Variants in PHF21B observed in about 807,000 individuals in gnomAD.
The protein encoded by PHF21B is PHD finger protein 21B.
A neutral mutation model predicts 62.2 loss-of-function variants in PHF21B; 22 were observed. That is an observed-to-expected ratio of 0.35 (90% CI 0.25 to 0.51). The LOEUF (loss-of-function observed/expected upper bound fraction) is 0.51, where lower values mean the gene tolerates loss of function less well. Ranked by LOEUF, PHF21B falls within the 20% of genes least tolerant of loss-of-function variation. The pLI is 0.97. For synonymous variants in PHF21B, 341 were observed against 314.7 expected (o/e 1.08, Z -0.88); for missense variants, 701 against 707.9 (o/e 0.99, Z 0.11).
intron 2 of PHF21B, among the ~76,000 whole-genome samples, chr22:44,922,004 G>A (rs1022859769): frequency 1.7e-4 from 26 of 152,204 alleles, no homozygotes; most frequent in Non-Finnish European, 2.8e-4. Context: ...CCACGAGCCT[G>A]CCTGATGGGG....
At chr22:44,983,213 G>T (rs1000867650) in intron 2 of PHF21B, among the ~76,000 whole-genome samples, 1 of 141,444 alleles carries the variant, frequency 7.1e-6, no homozygotes, top group South Asian at 2.4e-4. Flanking sequence ...CAGCCTGGGC[G>T]ACAGAGCGAG....
chr22:44,942,542 C>T (rs1476326283), intron 2 of PHF21B, among the ~76,000 whole-genome samples: 2 of 152,166 alleles, frequency 1.3e-5, no homozygotes, highest in Non-Finnish European at 2.9e-5. Context: ...GGAAGCCAGT[C>T]CAGCCCAGGC....
At chr22:44,897,320 C>T (rs917739043) in intron 5 of PHF21B, among the ~76,000 whole-genome samples, 4 of 152,070 alleles carry the variant, frequency 2.6e-5, no homozygotes, top group South Asian at 2.1e-4. Flanking sequence ...GTAGCCACCC[C>T]GTATCATTCC....
chr22:44,980,016 C>G (rs1188670894), intron 2 of PHF21B, among the ~76,000 whole-genome samples: 1 of 123,118 alleles, frequency 8.1e-6, no homozygotes, highest in Non-Finnish European at 1.6e-5. Flanking sequence ...CTACAGTGAG[C>G]TAAGATCACG....
chr22:44,922,652 A>T (rs1023204010), intron 2 of PHF21B, among the ~76,000 whole-genome samples: 1 of 152,208 alleles, frequency 6.6e-6, no homozygotes, highest in South Asian at 2.1e-4. Flanking sequence ...GAAAAAAAAA[A>T]TCAGTTGTGT....
intron 2 of PHF21B, among the ~76,000 whole-genome samples, chr22:44,970,367 C>T (rs1373948663): frequency 1.3e-5 from 2 of 152,204 alleles, no homozygotes; most frequent in African/African-American, 4.8e-5. Context: ...TGGGCAGATG[C>T]TGGTCAAGCA....
intron 2 of PHF21B, among the ~76,000 whole-genome samples, chr22:44,933,082 C>A (rs1332962406): frequency 6.6e-6 from 1 of 151,834 alleles, no homozygotes; most frequent in East Asian, 1.9e-4. Flanking sequence ...GCTCCCGCCC[C>A]GCTGTGGAAA....
At chr22:44,996,889 TAC>T (rs1490386871) in intron 2 of PHF21B, among the ~76,000 whole-genome samples, 5 of 151,674 alleles carry the variant, frequency 3.3e-5, no homozygotes, top group Non-Finnish European at 7.4e-5. Context: ...CACACAAGCA[TAC>T]ACAAACGTGT....
rs1202305020 is a variant in PHF21B, at chr22:45,009,480, GC to G, written c.54+15del. Reference sequence around the variant, plus strand: ...AACACACTCCCCGGCCCCGGGCCCGGCCCCCGGCCACCTACCTGGTGGCGCG... The same window carrying G: ...AACACACTCCCCGGCCCCGGGCCCGGCCCCGGCCACCTACCTGGTGGCGCG... On this transcript the variant is annotated intron_variant, in intron 1 of 12. Coordinates refer to ENST00000313237, the MANE Select transcript of PHF21B (RefSeq NM_138415.5). The surrounding 1 kb of genome is among the most constrained non-coding windows in gnomAD (Gnocchi z 5.9). 5.2e-6 allele frequency: 8 copies of G among 1,532,686 alleles called. No individual in the cohort carries two copies. The Admixed American group carries it at 5.9e-5, about 11-fold the overall frequency. 94.9% of individuals were successfully genotyped at this position (1,532,686 alleles called of 1,614,324 possible).
intron 2 of PHF21B, among the ~76,000 whole-genome samples, chr22:44,972,492 A>C (rs1453272538): frequency 6.6e-6 from 1 of 152,050 alleles, no homozygotes; most frequent in Non-Finnish European, 1.5e-5. Flanking sequence ...GCGGCTGCTC[A>C]GTGCAATGAG....
chr22:44,978,623 T>C (rs1406312871), intron 2 of PHF21B, among the ~76,000 whole-genome samples: 2 of 152,226 alleles, frequency 1.3e-5, no homozygotes, highest in Non-Finnish European at 2.9e-5. Flanking sequence ...TCTCCCAAAG[T>C]GCTGGGATTA....
At chr22:45,006,525 C>T (rs1421233297) in intron 2 of PHF21B, among the ~76,000 whole-genome samples, 1 of 152,062 alleles carries the variant, frequency 6.6e-6, no homozygotes, top group Non-Finnish European at 1.5e-5. Context: ...TTTCTTTCGG[C>T]TTATCTAAAT....
At chr22:44,980,120 A>C (rs988454843) in intron 2 of PHF21B, among the ~76,000 whole-genome samples, 5 of 150,620 alleles carry the variant, frequency 3.3e-5, no homozygotes, top group African/African-American at 1.2e-4. Flanking sequence ...AACCATTTCA[A>C]AGCCTACGAG....
chr22:44,902,117 T>C (rs1437592571), intron 5 of PHF21B: 1 of 215,942 alleles, frequency 4.6e-6, no homozygotes, highest in African/African-American at 2.3e-5. Flanking sequence ...TGGTCCTCAG[T>C]TGAGGACACA....
At chr22:45,008,222 C>A (rs1336685595) in intron 2 of PHF21B, 2 of 230,122 alleles carry the variant, frequency 8.7e-6, no homozygotes, top group Non-Finnish European at 1.7e-5. Context: ...CGCCTCAGCG[C>A]AAAGCGGGGG....
chr22:44,920,675 T>C (rs1300295277), intron 2 of PHF21B, among the ~76,000 whole-genome samples, 185 bp from the exon 3 acceptor site: 3 of 152,230 alleles, frequency 2.0e-5, no homozygotes, highest in Non-Finnish European at 4.4e-5. Flanking sequence ...GTTTGGAAAC[T>C]AGAGAAAGGA....
chr22:44,993,422 G>A lies in PHF21B; in HGVS notation c.120+15123C>T, dbSNP rs138653759. Among the ~76,000 whole-genome samples the A allele has an allele frequency of 3.7e-4, 56 of 152,298 alleles. 2 individuals are homozygous for A. Among genetic ancestry groups the A allele is most frequent in the Admixed American group, 1.0e-3 (16 of 15,298 alleles). On this transcript the variant is annotated intron_variant, in intron 2 of 12. Coordinates refer to ENST00000313237, the MANE Select transcript of PHF21B (RefSeq NM_138415.5). ...CACGCTCATCCACCACAGCGGCACC[G>A]GCTCCATCCTCCCACCCGCCAGGGC...
chr22:44,891,953 G>A (rs547913011), intron 7 of PHF21B, among the ~76,000 whole-genome samples: 5 of 152,170 alleles, frequency 3.3e-5, no homozygotes, highest in East Asian at 1.9e-4. Flanking sequence ...CACTTCTCTC[G>A]GTGTGGTCAG....
Position 44,909,699 on chromosome 22 carries a change from G to C in PHF21B, c.831+4123C>G, listed in dbSNP as rs1601589402. ...GTCCGAAAGCCCAGCTGACTGCTCTGGGTGTGTGGAATCCTTTCCCACTCG... is the reference window on the plus strand; with the variant it reads ...GTCCGAAAGCCCAGCTGACTGCTCTCGGTGTGTGGAATCCTTTCCCACTCG... On this transcript the variant is annotated intron_variant, in intron 5 of 12. Coordinates refer to ENST00000313237, the MANE Select transcript of PHF21B (RefSeq NM_138415.5). 2.6e-5 allele frequency among the ~76,000 whole-genome samples: 4 copies of C among 152,212 alleles called. No individual in the cohort carries two copies. In the East Asian group the frequency reaches 5.8e-4, roughly 22 times the overall value.
Sources: allele counts gnomAD v4.1 joint callset (sites outside exome capture counted in the v4.1 genomes callset), GRCh38; gene constraint gnomAD v4.1.1; non-coding constraint Gnocchi (gnomAD v3.1); transcripts MANE v1.5; gene names NCBI Gene and HGNC (gene_info 2026-07-23, HGNC 2026-07-21).